The following UBE2B variants were observed in gnomAD, a reference collection of about 807,000 sequenced individuals.
UBE2B encodes the protein ubiquitin-conjugating enzyme E2 B.
In UBE2B, 11 loss-of-function variants were observed where a neutral mutation model predicts 24.6. The observed-to-expected ratio is 0.45, with a 90% CI of 0.28 to 0.74. The LOEUF is 0.74. Ranked by LOEUF, UBE2B falls within the 30% of genes least tolerant of loss-of-function variation. UBE2B has a pLI of 0.13. For missense variants in UBE2B, 78 were observed against 185.6 expected, an observed-to-expected ratio of 0.42 and a Z score of 3.37; for synonymous variants, 68 against 62.4, an observed-to-expected ratio of 1.09 and a Z score of -0.42.
intron 1 of UBE2B, among the ~76,000 whole-genome samples, chr5:134,373,359 A>G (rs972126983): frequency 1.3e-5 from 2 of 151,020 alleles, no homozygotes; most frequent in African/African-American, 4.9e-5. Flanking sequence ...CCTGGTTAGG[A>G]TACACAGTCT....
chr5:134,372,362 T>A (rs1758477213), intron 1 of UBE2B, among the ~76,000 whole-genome samples: 1 of 152,192 alleles, frequency 6.6e-6, no homozygotes, highest in South Asian at 2.1e-4. Flanking sequence ...GGCGCTAATC[T>A]GATACTCCCT....
At chr5:134,388,080 G>T (rs2149693966) in intron 4 of UBE2B, 1 of 502,260 alleles carries the variant, frequency 2.0e-6, no homozygotes, top group African/African-American at 1.9e-5. Context: ...TTCAGGACTG[G>T]CGTGAGCCAC....
In UBE2B at chr5:134,390,467, GAAA is replaced by G. The variant is rs1758883065; in HGVS notation, c.*118_*120del. 1.5e-6 allele frequency: 2 copies of G among 1,325,178 alleles called. No individual in the cohort carries two copies. The highest frequency in any genetic ancestry group is 2.1e-6 in the Non-Finnish European group (2 of 955,516). The allele number at this position is 1,325,178 out of a possible 1,614,324, so 82.1% of individuals were successfully genotyped here. A position where few individuals can be genotyped will look rare whatever the true frequency, so the allele number is the denominator to read the frequency against. On this transcript the variant is annotated 3_prime_UTR_variant, in exon 6 of 6. Transcript: ENST00000265339. This position sits in a 1 kb window ranked among gnomAD's most constrained non-coding sequence, Gnocchi z 4.6. ...TTTTAAGGATTCTGCAGAAAAAAAA[GAAA>G]AAAGTCCTTCAGTTTAGAACCTACA...
chr5:134,374,483 A>G lies in UBE2B; in HGVS notation c.125+20A>G. 2 of 1,550,928 alleles carry G rather than the reference A, an allele frequency of 1.3e-6. No individual in the cohort carries two copies. ...ATTTGGGTGAGTTGAAAGGTTTAAC[A>G]AATAATAGGTGTGTGCTGAATCTTT... On this transcript the variant is annotated intron_variant, in intron 2 of 5. Coordinates refer to ENST00000265339, the MANE Select transcript of UBE2B (RefSeq NM_003337.4).
chr5:134,388,434 A>C (rs533478334), intron 5 of UBE2B, 21 bp downstream of exon 5: 2 of 1,604,568 alleles, frequency 1.2e-6, no homozygotes, highest in South Asian at 1.1e-5. Context: ...GTTAGGATGT[A>C]TTATAATTTG....
intron 2 of UBE2B, among the ~76,000 whole-genome samples, chr5:134,375,797 CAAAAAAAAAA>C (rs775635194): frequency 0.016 from 473 of 29,876 alleles, 6 homozygotes; most frequent in African/African-American, 0.034. Context: ...GACTCCGTCT[CAAAAAAAAAA>C]AAAAAAAAAA....
chr5:134,389,463 C>T (rs141865461), intron 5 of UBE2B, among the ~76,000 whole-genome samples: 86 of 152,148 alleles, frequency 5.7e-4, no homozygotes, highest in African/African-American at 2.0e-3. Context: ...TGTTTATTTC[C>T]TTGGTTTAAT....
intron 3 of UBE2B, among the ~76,000 whole-genome samples, chr5:134,378,948 A>T (rs1219272462): frequency 6.6e-6 from 1 of 150,608 alleles, no homozygotes; most frequent in East Asian, 1.9e-4. Context: ...AAAAAAAAAC[A>T]GTGGGGGGAT....
chr5:134,388,716 A>C (rs1449418981), intron 5 of UBE2B, among the ~76,000 whole-genome samples: 1 of 152,076 alleles, frequency 6.6e-6, no homozygotes, highest in Non-Finnish European at 1.5e-5. Flanking sequence ...GTAGATAAGC[A>C]TTGAGTATGT....
intron 2 of UBE2B, among the ~76,000 whole-genome samples, chr5:134,375,318 C>T (rs1018480442): frequency 6.6e-5 from 10 of 152,140 alleles, no homozygotes; most frequent in Non-Finnish European, 1.2e-4. Flanking sequence ...TTTCCTTATG[C>T]TTTTTCTTTG....
At chr5:134,378,928 CAAAAA>C (rs796702530) in intron 3 of UBE2B, among the ~76,000 whole-genome samples, 4 of 71,948 alleles carry the variant, frequency 5.6e-5, no homozygotes, top group Non-Finnish European at 1.2e-4. Flanking sequence ...GACTCCATCT[CAAAAA>C]AAAAAAAAAA....
chr5:134,378,669 T>C (rs1273054409), intron 3 of UBE2B, among the ~76,000 whole-genome samples: 2 of 135,530 alleles, frequency 1.5e-5, no homozygotes, highest in Non-Finnish European at 3.4e-5. Flanking sequence ...GTTGTTTGAG[T>C]TGCAATTTGA....
chr5:134,385,398 G>A (rs1211422465), intron 4 of UBE2B, among the ~76,000 whole-genome samples: 1 of 152,196 alleles, frequency 6.6e-6, no homozygotes, highest in African/African-American at 2.4e-5. Flanking sequence ...GAGTCTGGAA[G>A]AATCACAGTG....
At chr5:134,376,348 AATAT>A (rs1190025064) in intron 2 of UBE2B, among the ~76,000 whole-genome samples, 7 of 4,772 alleles carry the variant, frequency 1.5e-3, no homozygotes, top group Admixed American at 4.3e-3. Flanking sequence ...AAAAAAAAAA[AATAT>A]ATATATATAT....
chr5:134,389,962 C>T (rs960202931), intron 5 of UBE2B: 1 of 419,460 alleles, frequency 2.4e-6, no homozygotes, highest in Non-Finnish European at 4.4e-6. Context: ...ATTACAGGCA[C>T]AAGCCACTGT....
chr5:134,391,704 T>A lies in UBE2B; in HGVS notation c.*1351T>A, dbSNP rs1758900923. 1 of 152,322 alleles carries A rather than the reference T, an allele frequency of 6.6e-6. No individual in the cohort carries two copies. The highest frequency in any genetic ancestry group is 1.5e-5 in the Non-Finnish European group (1 of 68,048). 9.4% of individuals were successfully genotyped at this position (152,322 alleles called of 1,614,324 possible). On this transcript the variant is annotated 3_prime_UTR_variant, in exon 6 of 6. Transcript: ENST00000265339. ...TAGGCTGGGCCAGGTGGCTCCCACCTGTAGTCCCAGCACTTTGGGAGGCAA... is the reference window on the plus strand; with the variant it reads ...TAGGCTGGGCCAGGTGGCTCCCACCAGTAGTCCCAGCACTTTGGGAGGCAA...
chr5:134,378,265 TTTG>T (rs1758643818), intron 3 of UBE2B, among the ~76,000 whole-genome samples: 1 of 152,086 alleles, frequency 6.6e-6, no homozygotes, highest in Non-Finnish European at 1.5e-5. Flanking sequence ...GTGGGTTTTT[TTTG>T]TTTGTTTTTT....
chr5:134,386,052 C>A (rs918353272), intron 4 of UBE2B, among the ~76,000 whole-genome samples: 4 of 150,886 alleles, frequency 2.7e-5, no homozygotes, highest in African/African-American at 9.8e-5. Context: ...CTGCTGGGGG[C>A]GCTGTGGCTC....
At position 134,371,603 on chromosome 5, in the gene UBE2B, C is replaced by T. The variant is rs774865117; in HGVS notation, c.8C>T (p.Thr3Ile). 7 of 1,612,946 alleles carry T rather than the reference C, an allele frequency of 4.3e-6. No homozygotes were observed. The highest frequency in any genetic ancestry group is 8.5e-7 in the Non-Finnish European group (1 of 1,179,834). Residue 3 changes from threonine to isoleucine, a missense_variant, in exon 1 of 6, where the codon ACC (threonine) becomes ATC (isoleucine). Coordinates refer to ENST00000265339, the MANE Select transcript of UBE2B (RefSeq NM_003337.4). MS[T>I]PARRRLMRDF... ...GCGGGGCAGCTGCGGAGCATGTCGACCCCGGCCCGGAGGAGGCTCATGCGG... is the reference window on the plus strand; with the variant it reads ...GCGGGGCAGCTGCGGAGCATGTCGATCCCGGCCCGGAGGAGGCTCATGCGG...
Sources: gnomAD v4.1 joint callset for allele counts (sites outside exome capture counted in the v4.1 genomes callset) on GRCh38, gnomAD v4.1.1 for gene constraint, Gnocchi (gnomAD v3.1) non-coding constraint, MANE v1.5 for transcripts, NCBI Gene and HGNC (gene_info 2026-07-23, HGNC 2026-07-21) for gene names.